MYO9A: variants seen among roughly 807,000 people sequenced by gnomAD.
MYO9A encodes unconventional myosin-IXa.
A neutral mutation model predicts 293.3 loss-of-function variants in MYO9A; 103 were observed. That is an observed-to-expected ratio of 0.35 (90% CI 0.30 to 0.41). The LOEUF is 0.41. MYO9A is among the 10% of genes least tolerant of loss of function. The probability of loss-of-function intolerance (pLI) is 1.00; values close to 1 mark genes in which losing one functional copy is unlikely to be tolerated. For synonymous variants in MYO9A, 1,001 were observed against 1,035.7 expected (o/e 0.97, Z 0.64); for missense variants, 2,685 against 3,033.0 (o/e 0.89, Z 2.69).
intron 15 of MYO9A, among the ~76,000 whole-genome samples, chr15:71,945,411 A>G (rs1305113034): frequency 1.3e-5 from 2 of 152,174 alleles, no homozygotes; most frequent in African/African-American, 4.8e-5. Context: ...CGTAAAAGTG[A>G]CATACCATCA....
chr15:71,956,860 AAT>A (rs10553052), intron 14 of MYO9A, among the ~76,000 whole-genome samples: 26,692 of 139,896 alleles, frequency 0.19, 2,586 homozygotes, highest in East Asian at 0.4. Context: ...CACACACACA[AAT>A]ATATATATAT....
intron 1 of MYO9A, among the ~76,000 whole-genome samples, chr15:72,075,451 T>A (rs2079320841): frequency 6.6e-6 from 1 of 151,726 alleles, no homozygotes; most frequent in Admixed American, 6.6e-5. Flanking sequence ...TATAATCTTA[T>A]AGAGAGAAAA....
rs548572687 is a variant in MYO9A at position 71,846,900 on chromosome 15, CTCTG to C, written c.6837+1941_6837+1944del. Among the ~76,000 whole-genome samples, 729 of 152,310 alleles carry C rather than the reference CTCTG, an allele frequency of 4.8e-3. 8 individuals are homozygous for C. The highest frequency in any genetic ancestry group is 8.8e-3 in the Non-Finnish European group (601 of 68,024). The stretch of plus-strand genomic sequence containing the variant: ...TGGATTAGTTCACTCCTATTTGTAG[CTCTG>C]TCTGATAAATGCTAAGTGGATAAGA... On this transcript the variant is annotated intron_variant, in intron 39 of 41. Coordinates refer to ENST00000356056, the MANE Select transcript of MYO9A (RefSeq NM_006901.4).
intron 1 of MYO9A, among the ~76,000 whole-genome samples, chr15:72,048,996 A>C (rs1180532551): frequency 2.0e-5 from 3 of 152,184 alleles, no homozygotes; most frequent in Non-Finnish European, 4.4e-5. Context: ...GAAAACCCTC[A>C]GTATGTAATT....
At chr15:72,089,247 C>T (rs948553388) in intron 1 of MYO9A, among the ~76,000 whole-genome samples, 5 of 152,152 alleles carry the variant, frequency 3.3e-5, no homozygotes, top group Non-Finnish European at 7.3e-5. Flanking sequence ...ACCACAGCCT[C>T]AACCTCCTGG....
chr15:72,054,544 G>A (rs1427332476), intron 1 of MYO9A, among the ~76,000 whole-genome samples: 1 of 152,014 alleles, frequency 6.6e-6, no homozygotes, highest in East Asian at 1.9e-4. Context: ...GGTGGTGTCC[G>A]CCTGTAGTAC....
At chr15:72,106,249 A>G (rs1482648133) in intron 1 of MYO9A, among the ~76,000 whole-genome samples, 1 of 106,520 alleles carries the variant, frequency 9.4e-6, no homozygotes, top group Admixed American at 9.8e-5. Flanking sequence ...AGGCTGAGAC[A>G]GGAGGACTGC....
chr15:71,870,462 A>G (rs1272234101), intron 32 of MYO9A, among the ~76,000 whole-genome samples: 1 of 152,232 alleles, frequency 6.6e-6, no homozygotes, highest in African/African-American at 2.4e-5. Context: ...GTATACATGT[A>G]CATATATATT....
intron 19 of MYO9A, among the ~76,000 whole-genome samples, chr15:71,908,895 T>C (rs1214797636): frequency 1.3e-5 from 2 of 152,162 alleles, no homozygotes; most frequent in African/African-American, 4.8e-5. Flanking sequence ...CCTAAAGTCC[T>C]CTATGCTCTG....
chr15:71,904,341 C>G (rs973795433), intron 20 of MYO9A, among the ~76,000 whole-genome samples: 3 of 152,184 alleles, frequency 2.0e-5, no homozygotes, highest in East Asian at 1.9e-4. Flanking sequence ...ATAGTCCAAT[C>G]ACTACAAAAT....
At chr15:72,025,234 C>G (rs1034258882) in intron 4 of MYO9A, among the ~76,000 whole-genome samples, 2 of 151,982 alleles carry the variant, frequency 1.3e-5, no homozygotes, top group African/African-American at 2.4e-5. Context: ...AAATAAAGAC[C>G]AAACTTGTTC....
rs115322084 is a variant in MYO9A at position 71,968,827 on chromosome 15, C to T, written c.1845-702G>A. Among the ~76,000 whole-genome samples, 838 of 152,172 alleles carry T rather than the reference C, an allele frequency of 5.5e-3. 12 individuals are homozygous for T. The highest frequency in any genetic ancestry group is 0.019 in the African/African-American group (768 of 41,508). On this transcript the variant is annotated intron_variant, in intron 12 of 41. Coordinates refer to ENST00000356056, the MANE Select transcript of MYO9A (RefSeq NM_006901.4). ...GAAGGGTTTCAAAGAGAGAAAATAT[C>T]ATTGACAGAAAAAGGAGAAAGAAAG...
intron 19 of MYO9A, among the ~76,000 whole-genome samples, chr15:71,912,864 C>T (rs2057901687): frequency 6.6e-6 from 1 of 152,100 alleles, no homozygotes. Context: ...ATCATCTTCA[C>T]TTAGTTACAC....
chr15:71,980,562 C>A (rs1415733803), intron 11 of MYO9A, among the ~76,000 whole-genome samples: 1 of 152,166 alleles, frequency 6.6e-6, no homozygotes, highest in African/African-American at 2.4e-5. Flanking sequence ...TGGCTGGGCA[C>A]AGTGTCTCAC....
chr15:71,992,570 T>G (rs2076572166), intron 10 of MYO9A, among the ~76,000 whole-genome samples: 1 of 152,168 alleles, frequency 6.6e-6, no homozygotes, highest in African/African-American at 2.4e-5. Context: ...GATTACAATT[T>G]AAATTAATTT....
chr15:72,117,167 G>A (rs1445216345), intron 1 of MYO9A: 1 of 152,232 alleles, frequency 6.6e-6, no homozygotes, highest in African/African-American at 2.4e-5. Flanking sequence ...TCTACCGGGA[G>A]TAAGAACACC....
upstream of MYO9A, chr15:72,118,495 C>T (rs1176197916): frequency 6.6e-6 from 1 of 152,322 alleles, no homozygotes; most frequent in Non-Finnish European, 1.5e-5. Flanking sequence ...TTCGGTTTGT[C>T]TCGGCAGTGG....
intron 1 of MYO9A, among the ~76,000 whole-genome samples, chr15:72,068,099 C>G (rs12910475): frequency 0.014 from 2,068 of 152,220 alleles, 22 homozygotes; most frequent in East Asian, 0.025. Context: ...AACATACTTG[C>G]CTATAGGACT....
chr15:72,051,132 A>G (rs1331531840), intron 1 of MYO9A, among the ~76,000 whole-genome samples: 1 of 152,118 alleles, frequency 6.6e-6, no homozygotes, highest in African/African-American at 2.4e-5. Context: ...TGGCACAATC[A>G]TGGCTCACTG....
Sources: gnomAD v4.1 joint callset for allele counts (sites outside exome capture counted in the v4.1 genomes callset) on GRCh38, gnomAD v4.1.1 for gene constraint, MANE v1.5 for transcripts, NCBI Gene and HGNC (gene_info 2026-07-23, HGNC 2026-07-21) for gene names.